Variants in DIRAS2 observed in about 807,000 individuals in gnomAD.
The protein encoded by DIRAS2 is DIRAS family GTPase 2.
A neutral mutation model predicts 13.9 loss-of-function variants in DIRAS2; 5 were observed. The observed-to-expected ratio is 0.36, with a 90% confidence interval of 0.19 to 0.76. DIRAS2 has a LOEUF of 0.76. Ranked by LOEUF, DIRAS2 falls within the 30% of genes least tolerant of loss-of-function variation. DIRAS2 has a pLI of 0.53. For synonymous variants in DIRAS2, 111 were observed against 105.4 expected, an observed-to-expected ratio of 1.05 and a Z score of -0.33; for missense variants, 191 against 263.0, an observed-to-expected ratio of 0.73 and a Z score of 1.89.
Position 90,611,463 on chromosome 9 carries a change from C to T in DIRAS2, c.*1765G>A, listed in dbSNP as rs1359605279. The stretch of plus-strand genomic sequence containing the variant: ...ATCCCAAGGGTGAGTTATTGGGAGA[C>T]CAGAGAGGATGAGATCAGGACAAGG... On this transcript the variant is annotated 3_prime_UTR_variant, in exon 2 of 2. Coordinates refer to ENST00000375765, the MANE Select transcript of DIRAS2 (RefSeq NM_017594.5). The T allele has an allele frequency of 6.6e-6, 1 of 152,216 alleles. No homozygotes were observed. Among genetic ancestry groups the T allele is most frequent in the Non-Finnish European group, 1.5e-5 (1 of 68,168 alleles). 9.4% of individuals were successfully genotyped at this position (152,216 alleles called of 1,614,324 possible).
intron 1 of DIRAS2, among the ~76,000 whole-genome samples, chr9:90,631,714 A>G (rs1363675317): frequency 6.6e-6 from 1 of 152,090 alleles, no homozygotes; most frequent in East Asian, 1.9e-4. Flanking sequence ...TCATTCATAT[A>G]CCTGCACCCT....
At chr9:90,616,736 CAAAA>C (rs11422558) in intron 1 of DIRAS2, among the ~76,000 whole-genome samples, 5 of 88,480 alleles carry the variant, frequency 5.7e-5, no homozygotes, top group Non-Finnish European at 6.4e-5. Flanking sequence ...GACTCCATCA[CAAAA>C]AAAAAAAAAA....
At chr9:90,624,406 T>C (rs1489029816) in intron 1 of DIRAS2, among the ~76,000 whole-genome samples, 4 of 152,148 alleles carry the variant, frequency 2.6e-5, no homozygotes, top group Non-Finnish European at 5.9e-5. Flanking sequence ...TCTTGTATTG[T>C]AGTGTTGTAA....
intron 1 of DIRAS2, among the ~76,000 whole-genome samples, chr9:90,619,846 A>G (rs1825203355): frequency 6.6e-6 from 1 of 152,258 alleles, no homozygotes; most frequent in African/African-American, 2.4e-5. Flanking sequence ...TACCCATTTC[A>G]TGAAATATTA....
intron 1 of DIRAS2, among the ~76,000 whole-genome samples, chr9:90,631,706 A>T (rs1825326818): frequency 6.6e-6 from 1 of 152,088 alleles, no homozygotes; most frequent in South Asian, 2.1e-4. Context: ...ATGCCATATC[A>T]TTCATATACC....
chr9:90,640,280 G>A (rs1213550915), intron 1 of DIRAS2, among the ~76,000 whole-genome samples: 1 of 152,182 alleles, frequency 6.6e-6, no homozygotes, highest in African/African-American at 2.4e-5. Flanking sequence ...ACAGCTATAA[G>A]GAATCTCTTT....
intron 1 of DIRAS2, among the ~76,000 whole-genome samples, chr9:90,632,951 A>G (rs117332038): frequency 1.3e-5 from 2 of 152,260 alleles, no homozygotes; most frequent in East Asian, 3.9e-4. Context: ...CTACTTGGTG[A>G]TATCCATGGC....
Position 90,612,023 on chromosome 9 carries a change from A to T in DIRAS2, c.*1205T>A, listed in dbSNP as rs904804569. ...CTTGAAAGATTAAAGATGCACACAAAATCATTAAGAGAAAAAGATAATTGT... is the reference window on the plus strand; with the variant it reads ...CTTGAAAGATTAAAGATGCACACAATATCATTAAGAGAAAAAGATAATTGT... On this transcript the variant is annotated 3_prime_UTR_variant, in exon 2 of 2. Transcript: ENST00000375765. 1 of 152,408 alleles carries T rather than the reference A, an allele frequency of 6.6e-6. No homozygotes were observed. Among genetic ancestry groups the T allele is most frequent in the African/African-American group, 2.4e-5 (1 of 41,460 alleles). 9.4% of individuals were successfully genotyped at this position (152,408 alleles called of 1,614,324 possible). A position where few individuals can be genotyped will look rare whatever the true frequency, so the allele number is the denominator to read the frequency against.
chr9:90,613,654 C>A lies in DIRAS2; in HGVS notation c.174G>T (p.Gln58His), dbSNP rs147357334. The part of the protein sequence containing the change: ...ISCDKSICTL[Q>H]ITDTTGSHQF... Reference sequence around the variant, plus strand: ...GGTGGCTCCCCGTCGTGTCGGTGATCTGCAATGTGCATATGCTCTTGTCAC... The same window carrying A: ...GGTGGCTCCCCGTCGTGTCGGTGATATGCAATGTGCATATGCTCTTGTCAC... The change falls in exon 2 of 2, where the codon CAG becomes CAT. Residue 58 changes from glutamine to histidine, a missense_variant. By Grantham distance (24) the Gln-to-His change is conservative. Coordinates refer to ENST00000375765, the MANE Select transcript of DIRAS2 (RefSeq NM_017594.5). The surrounding 1 kb of genome is among the most constrained non-coding windows in gnomAD (Gnocchi z 5.6). 3 of 1,614,070 alleles carry A rather than the reference C, an allele frequency of 1.9e-6. No homozygotes were observed. Among genetic ancestry groups the A allele is most frequent in the Non-Finnish European group, 2.5e-6 (3 of 1,180,060 alleles).
intron 1 of DIRAS2, among the ~76,000 whole-genome samples, chr9:90,626,512 A>G (rs959324923): frequency 3.9e-5 from 6 of 152,168 alleles, no homozygotes; most frequent in African/African-American, 1.4e-4. Flanking sequence ...ATGGCCAACA[A>G]GCACATAAAA....
At chr9:90,621,505 G>A (rs1357891562) in intron 1 of DIRAS2, among the ~76,000 whole-genome samples, 1 of 152,050 alleles carries the variant, frequency 6.6e-6, no homozygotes, top group Non-Finnish European at 1.5e-5. Context: ...GCACAAGAAA[G>A]CCTGACTGCA....
rs75769297 is a variant in DIRAS2 at position 90,616,064 on chromosome 9, A to G, written c.-36-2201T>C. Reference sequence around the variant, plus strand: ...CATAAGCATCTAGCTGGAAGAGAACATATCTTAACAAGTTCTGCATCCCAA... The same window carrying G: ...CATAAGCATCTAGCTGGAAGAGAACGTATCTTAACAAGTTCTGCATCCCAA... On this transcript the variant is annotated intron_variant, in intron 1 of 1. Transcript: ENST00000375765. Among the ~76,000 whole-genome samples, 593 of 152,356 alleles carry G rather than the reference A, an allele frequency of 3.9e-3. 5 individuals are homozygous for G. The highest frequency in any genetic ancestry group is 0.013 in the African/African-American group (554 of 41,590).
At chr9:90,617,162 CAAGT>C (rs955557788) in intron 1 of DIRAS2, among the ~76,000 whole-genome samples, 3 of 152,164 alleles carry the variant, frequency 2.0e-5, no homozygotes, top group Non-Finnish European at 4.4e-5. Context: ...TTTGGGGTAG[CAAGT>C]GAGTGGTGGC....
chr9:90,641,007 A>T (rs1587729162), intron 1 of DIRAS2, among the ~76,000 whole-genome samples: 1 of 152,230 alleles, frequency 6.6e-6, no homozygotes, highest in East Asian at 1.9e-4. Flanking sequence ...TTAATTTTTC[A>T]GTAAGATATG....
At chr9:90,620,112 T>C (rs1168389870) in intron 1 of DIRAS2, among the ~76,000 whole-genome samples, 1 of 152,112 alleles carries the variant, frequency 6.6e-6, no homozygotes, top group Admixed American at 6.5e-5. Context: ...TCTAAAACAG[T>C]GGTAATGGCT....
intron 1 of DIRAS2, among the ~76,000 whole-genome samples, chr9:90,633,309 T>A (rs777952133): frequency 5.5e-4 from 83 of 152,002 alleles, no homozygotes; most frequent in Admixed American, 6.5e-4. Flanking sequence ...GGGGTTGAGG[T>A]AGACTGGAGG....
rs1825228254 is a variant in DIRAS2 at position 90,622,449 on chromosome 9, CT to C, written c.-36-8587del. ...TTCTGTCAGTAACATTTGGATCTTA[CT>C]TTTTTCCGGAGTTTTTTTTTTTTTC... On this transcript the variant is annotated intron_variant, in intron 1 of 1. Coordinates refer to ENST00000375765, the MANE Select transcript of DIRAS2 (RefSeq NM_017594.5). Among the ~76,000 whole-genome samples, 3 of 149,036 alleles carry C rather than the reference CT, an allele frequency of 2.0e-5. No homozygotes were observed. In the South Asian group the frequency reaches 6.6e-4, roughly 33 times the overall value.
intron 1 of DIRAS2, among the ~76,000 whole-genome samples, chr9:90,634,782 G>T (rs1439493752): frequency 6.6e-6 from 1 of 152,186 alleles, no homozygotes; most frequent in African/African-American, 2.4e-5. Flanking sequence ...AAATTAGAAA[G>T]GGCTGAAGCT....
At chr9:90,641,016 T>C (rs1267676261) in intron 1 of DIRAS2, among the ~76,000 whole-genome samples, 1 of 152,198 alleles carries the variant, frequency 6.6e-6, no homozygotes, top group Non-Finnish European at 1.5e-5. Flanking sequence ...CAGTAAGATA[T>C]GCAGTATTTA....
Sources: gnomAD v4.1 joint callset for allele counts (sites outside exome capture counted in the v4.1 genomes callset) on GRCh38, gnomAD v4.1.1 for gene constraint, Gnocchi (gnomAD v3.1) non-coding constraint, MANE v1.5 for transcripts, NCBI Gene and HGNC (gene_info 2026-07-23, HGNC 2026-07-21) for gene names.